The following DGKB variants were observed in gnomAD, a reference collection of about 807,000 sequenced individuals.
The protein encoded by DGKB is 90 kDa diacylglycerol kinase.
DGKB carries 67 observed loss-of-function variants against 114.3 expected under a neutral mutation model. The ratio of observed to expected loss-of-function variants is 0.59; its 90% CI spans 0.48 to 0.72. DGKB has a LOEUF of 0.72. DGKB is among the 30% of genes least tolerant of loss of function. The pLI is 0.00. For missense variants in DGKB, 907 were observed against 975.2 expected, an observed-to-expected ratio of 0.93 and a Z score of 0.93; for synonymous variants, 398 against 323.1, an observed-to-expected ratio of 1.23 and a Z score of -2.49.
chr7:14,798,015 C>T (rs142372172), intron 2 of DGKB, among the ~76,000 whole-genome samples: 3 of 152,276 alleles, frequency 2.0e-5, no homozygotes, highest in Non-Finnish European at 4.4e-5. Context: ...AATCAGGTTG[C>T]TGTCTGTGAG....
chr7:14,695,412 T>G (rs1226673804), intron 8 of DGKB, among the ~76,000 whole-genome samples: 1 of 151,318 alleles, frequency 6.6e-6, no homozygotes, highest in African/African-American at 2.4e-5. Context: ...TGAGTTAATT[T>G]GATAAAAACT....
chr7:14,682,945 C>T (rs1821085808), intron 10 of DGKB, 104 bp from the exon 11 acceptor site: 2 of 759,424 alleles, frequency 2.6e-6, no homozygotes, highest in Non-Finnish European at 4.5e-6. Context: ...ATCCACTGCT[C>T]CCTAATCAAT....
chr7:14,553,009 G>C (rs182676174), intron 20 of DGKB, among the ~76,000 whole-genome samples: 103 of 152,316 alleles, frequency 6.8e-4, no homozygotes, highest in African/African-American at 2.4e-3. Context: ...GATGCTTAAG[G>C]CCTAATCCCC....
chr7:14,740,073 G>A (rs1832351519), intron 4 of DGKB, among the ~76,000 whole-genome samples: 1 of 152,246 alleles, frequency 6.6e-6, no homozygotes, highest in African/African-American at 2.4e-5. Context: ...GGGGCTAGAG[G>A]CCCCGTGCAG....
Position 14,954,993 on chromosome 7 carries a change from G to A in DGKB, c.-188+19703C>T, listed in dbSNP as rs941558309. On this transcript the variant is annotated intron_variant, in intron 1 of 4. Transcript: ENST00000437998. ...AACAAACTTCAACATTAAGAGATTT[G>A]GAAAAGGAAGAGTACAATAGAGGAG... 3.3e-5 allele frequency among the ~76,000 whole-genome samples: 5 copies of A among 151,984 alleles called. No individual in the cohort carries two copies. The South Asian group carries it at 6.2e-4, about 19-fold the overall frequency.
chr7:14,795,736 G>A (rs1841314371), intron 2 of DGKB, among the ~76,000 whole-genome samples: 2 of 152,108 alleles, frequency 1.3e-5, no homozygotes, highest in Non-Finnish European at 2.9e-5. Flanking sequence ...GCAGCAATCA[G>A]AAGAGTCTGA....
intron 2 of DGKB, among the ~76,000 whole-genome samples, chr7:14,821,959 G>T (rs1040335706): frequency 2.0e-5 from 3 of 152,042 alleles, no homozygotes; most frequent in Non-Finnish European, 4.4e-5. Flanking sequence ...TGAGAGTGAG[G>T]ACAAGTCATC....
At chr7:14,763,389 G>T (rs73682537) in intron 2 of DGKB, among the ~76,000 whole-genome samples, 1 of 152,042 alleles carries the variant, frequency 6.6e-6, no homozygotes, top group African/African-American at 2.4e-5. Context: ...GAGCATTTTA[G>T]AGTTTGCAAA....
intron 23 of DGKB, among the ~76,000 whole-genome samples, chr7:14,262,996 A>C (rs1467047302): frequency 6.6e-6 from 1 of 152,056 alleles, no homozygotes; most frequent in Non-Finnish European, 1.5e-5. Flanking sequence ...CTGAGGACTA[A>C]GATGGGTAGT....
chr7:14,568,496 A>G (rs1424695199), intron 20 of DGKB, among the ~76,000 whole-genome samples: 2 of 151,970 alleles, frequency 1.3e-5, no homozygotes, highest in Admixed American at 6.6e-5. Context: ...TGGGCCCACT[A>G]AAAAAAATCC....
intron 23 of DGKB, among the ~76,000 whole-genome samples, chr7:14,299,154 T>C (rs1192886940): frequency 2.0e-5 from 3 of 152,056 alleles, no homozygotes; most frequent in Non-Finnish European, 4.4e-5. Context: ...CCAATCCTCA[T>C]AACTCTATTC....
chr7:14,954,370 T>C (rs1043095453), intron 1 of DGKB, among the ~76,000 whole-genome samples: 1 of 152,158 alleles, frequency 6.6e-6, no homozygotes, highest in South Asian at 2.1e-4. Context: ...CAGAGAGGTA[T>C]GGGATAAGAC....
At chr7:14,337,221 T>A (rs1480823173) in intron 23 of DGKB, among the ~76,000 whole-genome samples, 1 of 152,102 alleles carries the variant, frequency 6.6e-6, no homozygotes, top group Non-Finnish European at 1.5e-5. Context: ...TAGAAACTAA[T>A]AATTATATTT....
chr7:14,445,820 T>C (rs1830652487), intron 21 of DGKB, among the ~76,000 whole-genome samples: 1 of 152,036 alleles, frequency 6.6e-6, no homozygotes, highest in South Asian at 2.1e-4. Context: ...CAGCATCTTA[T>C]GAAAATGCTA....
chr7:14,471,521 AAGC>A (rs1781392971), intron 21 of DGKB, among the ~76,000 whole-genome samples: 3 of 150,438 alleles, frequency 2.0e-5, no homozygotes, highest in African/African-American at 7.3e-5. Flanking sequence ...TGATAAGAAG[AAGC>A]ACAAACTAAT....
chr7:14,373,019 A>C (rs1178932313), intron 21 of DGKB, among the ~76,000 whole-genome samples: 1 of 152,200 alleles, frequency 6.6e-6, no homozygotes, highest in Non-Finnish European at 1.5e-5. Context: ...ATAAGGTGTT[A>C]GGAAACATGA....
At chr7:14,653,714 A>G (rs1051514042) in intron 13 of DGKB, among the ~76,000 whole-genome samples, 1 of 152,098 alleles carries the variant, frequency 6.6e-6, no homozygotes, top group Non-Finnish European at 1.5e-5. Flanking sequence ...GGTTGCAAAG[A>G]TGGTTCATAT....
In DGKB at chr7:14,279,710, C is replaced by T. The variant is rs192064692; in HGVS notation, c.2122+58805G>A. On this transcript the variant is annotated intron_variant, in intron 23 of 25. Coordinates refer to ENST00000402815, the MANE Select transcript of DGKB (RefSeq NM_001350709.2). ...AAGTGGGTCCCTCACCCCTGACCCC[C>T]GAGCAGCCTAACTGGGAGGCACCCT... Among the ~76,000 whole-genome samples the T allele has an allele frequency of 5.7e-3, 868 of 152,110 alleles. 7 individuals carry two copies. The highest frequency in any genetic ancestry group is 0.02 in the African/African-American group (832 of 41,492).
intron 23 of DGKB, among the ~76,000 whole-genome samples, chr7:14,301,326 G>T (rs1180179832): frequency 6.6e-6 from 1 of 152,028 alleles, no homozygotes; most frequent in Non-Finnish European, 1.5e-5. Flanking sequence ...TTGGGCATTG[G>T]TGTCTCTATC....
Sources: allele counts gnomAD v4.1 joint callset (sites outside exome capture counted in the v4.1 genomes callset), GRCh38; gene constraint gnomAD v4.1.1; transcripts MANE v1.5; gene names NCBI Gene and HGNC (gene_info 2026-07-23, HGNC 2026-07-21).